MAML3: variants seen among roughly 807,000 people sequenced by gnomAD.
MAML3 encodes the protein mastermind like transcriptional coactivator 3.
MAML3 carries 27 observed loss-of-function variants against 101.9 expected under a neutral mutation model. The ratio of observed to expected loss-of-function variants is 0.27; its 90% CI spans 0.20 to 0.37. The LOEUF (loss-of-function observed/expected upper bound fraction) is 0.37. Among genes scored for constraint, MAML3 ranks in the 10% least tolerant of loss-of-function variants. MAML3 has a pLI of 1.00. For synonymous variants in MAML3, 501 were observed against 555.9 expected, an observed-to-expected ratio of 0.90 and a Z score of 1.39; for missense variants, 1,316 against 1,444.9, an observed-to-expected ratio of 0.91 and a Z score of 1.45.
intron 1 of MAML3, among the ~76,000 whole-genome samples, chr4:140,075,529 A>T (rs1485386256): frequency 1.3e-5 from 2 of 152,100 alleles, no homozygotes; most frequent in Non-Finnish European, 2.9e-5. Context: ...TTAAACATAG[A>T]TACATATTAT....
At chr4:140,148,480 A>G (rs1163646803) in intron 1 of MAML3, among the ~76,000 whole-genome samples, 1 of 152,222 alleles carries the variant, frequency 6.6e-6, no homozygotes, top group Non-Finnish European at 1.5e-5. Flanking sequence ...AGTTTTCCAC[A>G]AACTTAAGGC....
intron 2 of MAML3, among the ~76,000 whole-genome samples, chr4:139,781,496 G>T (rs6840406): frequency 0.33 from 47,620 of 144,828 alleles, 8,248 homozygotes; most frequent in Admixed American, 0.33. Flanking sequence ...TCTAATGATC[G>T]CAGAGCATTT....
chr4:140,097,811 C>T (rs974076856), intron 1 of MAML3, among the ~76,000 whole-genome samples: 1 of 152,170 alleles, frequency 6.6e-6, no homozygotes, highest in Non-Finnish European at 1.5e-5. Flanking sequence ...GACTTTTAAC[C>T]AGATGGGAAA....
In MAML3 at chr4:139,796,601, C is replaced by T. The variant is rs570087710; in HGVS notation, c.2080-65934G>A. ...GAAGTAAGGGAATAATCTAGTGATT[C>T]GAATGTGTTGAAAAATCAACCAACC... On this transcript the variant is annotated intron_variant, in intron 2 of 4. Transcript: ENST00000509479. Among the ~76,000 whole-genome samples the T allele has an allele frequency of 1.1e-4, 16 of 152,152 alleles. No homozygotes were observed. In the East Asian group the frequency reaches 2.1e-3, roughly 20 times the overall value.
At chr4:139,899,679 T>G (rs1198467821) in intron 1 of MAML3, among the ~76,000 whole-genome samples, 1 of 152,206 alleles carries the variant, frequency 6.6e-6, no homozygotes, top group Non-Finnish European at 1.5e-5. Context: ...AGAAAAATCT[T>G]ATTACAACTC....
intron 2 of MAML3, among the ~76,000 whole-genome samples, chr4:139,820,000 C>A (rs1297656521): frequency 6.6e-6 from 1 of 152,192 alleles, no homozygotes; most frequent in Non-Finnish European, 1.5e-5. Flanking sequence ...CAATACCCTA[C>A]CTCTCTCTCC....
At chr4:139,980,284 G>C (rs1212722603) in intron 1 of MAML3, among the ~76,000 whole-genome samples, 3 of 152,130 alleles carry the variant, frequency 2.0e-5, no homozygotes, top group African/African-American at 7.2e-5. Context: ...CTAAGAATCA[G>C]TTGTCACCCT....
intron 1 of MAML3, among the ~76,000 whole-genome samples, chr4:139,934,348 T>C (rs1281542385): frequency 6.6e-6 from 1 of 151,954 alleles, no homozygotes; most frequent in African/African-American, 2.4e-5. Context: ...TTTGTGAGTG[T>C]TGAGGAGGGA....
At position 139,789,124 on chromosome 4, in the gene MAML3, G is replaced by A. The variant is rs144163471; in HGVS notation, c.2080-58457C>T. Reference sequence around the variant, plus strand: ...AATCTTTTCAAATACAGGCCAATTCGTTGTATTTGCTGAACACCTATCACA... The same window carrying A: ...AATCTTTTCAAATACAGGCCAATTCATTGTATTTGCTGAACACCTATCACA... On this transcript the variant is annotated intron_variant, in intron 2 of 4. Coordinates refer to ENST00000509479, the MANE Select transcript of MAML3 (RefSeq NM_018717.5). Among the ~76,000 whole-genome samples the A allele has an allele frequency of 2.4e-3, 373 of 152,262 alleles. 1 individual carries two copies. The highest frequency in any genetic ancestry group is 8.5e-3 in the African/African-American group (352 of 41,544).
chr4:139,891,616 C>G (rs182426896), intron 1 of MAML3, among the ~76,000 whole-genome samples: 1 of 152,022 alleles, frequency 6.6e-6, no homozygotes, highest in Non-Finnish European at 1.5e-5. Context: ...TACTTGAAAA[C>G]GATGTTAATA....
chr4:139,756,875 A>G (rs1729663437), intron 2 of MAML3, among the ~76,000 whole-genome samples: 1 of 152,116 alleles, frequency 6.6e-6, no homozygotes, highest in South Asian at 2.1e-4. Flanking sequence ...ATTTTTATGG[A>G]GGTTCTCTTA....
chr4:140,058,671 T>C (rs1727394703), intron 1 of MAML3, among the ~76,000 whole-genome samples: 1 of 152,134 alleles, frequency 6.6e-6, no homozygotes, highest in Non-Finnish European at 1.5e-5. Context: ...AGTGTCTAAC[T>C]CATCATGTTC....
At chr4:139,866,274 G>C (rs1478507404) in intron 2 of MAML3, among the ~76,000 whole-genome samples, 1 of 152,172 alleles carries the variant, frequency 6.6e-6, no homozygotes, top group Non-Finnish European at 1.5e-5. Flanking sequence ...CTCTTGCCTT[G>C]GGCTCCACAA....
intron 1 of MAML3, among the ~76,000 whole-genome samples, chr4:140,138,306 C>T (rs977793317): frequency 6.6e-6 from 1 of 152,130 alleles, no homozygotes; most frequent in Non-Finnish European, 1.5e-5. Flanking sequence ...AGCATGAAAT[C>T]CAAATCTAAA....
At chr4:139,864,045 A>G (rs1331649143) in intron 2 of MAML3, among the ~76,000 whole-genome samples, 6 of 152,192 alleles carry the variant, frequency 3.9e-5, no homozygotes, top group Admixed American at 3.9e-4. Flanking sequence ...AACTTACAGA[A>G]GCTTGTAAAA....
At chr4:139,943,864 CTTTTTT>C (rs10644498) in intron 1 of MAML3, among the ~76,000 whole-genome samples, 2,874 of 65,896 alleles carry the variant, frequency 0.044, 132 homozygotes, top group African/African-American at 0.14. Flanking sequence ...CTAAAGACAA[CTTTTTT>C]TTTTTTTTTT....
intron 2 of MAML3, among the ~76,000 whole-genome samples, chr4:139,858,241 C>T (rs1411248636): frequency 6.6e-6 from 1 of 152,188 alleles, no homozygotes; most frequent in Non-Finnish European, 1.5e-5. Context: ...TACACTGATT[C>T]ATTATGCACC....
At chr4:140,104,340 C>CA (rs1434080787) in intron 1 of MAML3, among the ~76,000 whole-genome samples, 780 of 27,612 alleles carry the variant, frequency 0.028, 14 homozygotes, top group African/African-American at 0.08. Context: ...AGCCCTGTCT[C>CA]AAAAAAAAAA....
chr4:139,737,122 G>C (rs796667837), intron 2 of MAML3, among the ~76,000 whole-genome samples: 15 of 152,218 alleles, frequency 9.9e-5, no homozygotes, highest in African/African-American at 3.4e-4. Context: ...TTGCTAAGGG[G>C]AGCATCAGAC....
Sources: allele counts gnomAD v4.1 joint callset (sites outside exome capture counted in the v4.1 genomes callset), GRCh38; gene constraint gnomAD v4.1.1; transcripts MANE v1.5; gene names NCBI Gene and HGNC (gene_info 2026-07-23, HGNC 2026-07-21).